The following LRIG1 variants were observed in gnomAD, a reference collection of about 807,000 sequenced individuals.
LRIG1 encodes the protein leucine rich repeats and immunoglobulin like domains 1, also known as leucine-rich repeats and immunoglobulin-like domains protein 1.
Under a neutral mutation model 99.2 loss-of-function variants are expected in LRIG1, and 48 were observed. That is an observed-to-expected ratio of 0.48 (90% confidence interval 0.38 to 0.62). The LOEUF is 0.62. Ranked by LOEUF, LRIG1 falls within the 20% of genes least tolerant of loss-of-function variation. LRIG1 has a pLI of 0.00. For missense variants in LRIG1, 1,646 were observed against 1,434.4 expected, an observed-to-expected ratio of 1.15 and a Z score of -2.38; for synonymous variants, 772 against 596.1, an observed-to-expected ratio of 1.29 and a Z score of -4.30.
chr3:66,408,355 A>G (rs1201383462), intron 7 of LRIG1, among the ~76,000 whole-genome samples: 2 of 152,202 alleles, frequency 1.3e-5, no homozygotes, highest in African/African-American at 4.8e-5. Context: ...CCTCACCTGC[A>G]ATTAAAGAAT....
intron 9 of LRIG1, among the ~76,000 whole-genome samples, chr3:66,403,892 G>A (rs1487315274): frequency 1.3e-5 from 2 of 152,196 alleles, no homozygotes; most frequent in Non-Finnish European, 2.9e-5. Flanking sequence ...GAACACCTCA[G>A]CAGCCACATC....
chr3:66,461,172 G>GCA (rs1700346511), intron 2 of LRIG1, among the ~76,000 whole-genome samples: 1 of 152,098 alleles, frequency 6.6e-6, no homozygotes, highest in Non-Finnish European at 1.5e-5. Context: ...GGATGTGGTG[G>GCA]CACACACCTG....
At chr3:66,430,012 T>C (rs530335318) in intron 3 of LRIG1, among the ~76,000 whole-genome samples, 3 of 152,346 alleles carry the variant, frequency 2.0e-5, no homozygotes, top group African/African-American at 7.2e-5. Context: ...GTCTATCGTA[T>C]TGACTGCTAT....
rs567703250 is a variant in LRIG1 at position 66,427,639 on chromosome 3, A to T, written c.366-10373T>A. Among the ~76,000 whole-genome samples the T allele has an allele frequency of 3.9e-5, 6 of 152,352 alleles. No individual in the cohort carries two copies. The South Asian group carries it at 1.2e-3, about 32-fold the overall frequency. On this transcript the variant is annotated intron_variant, in intron 3 of 18. Coordinates refer to ENST00000273261, the MANE Select transcript of LRIG1 (RefSeq NM_015541.3). ...ACACAGTGAGACCCTCATCTCTTAAAAAAATTTTTTTTAAAATTGCAGCAC... is the reference window on the plus strand; with the variant it reads ...ACACAGTGAGACCCTCATCTCTTAATAAAATTTTTTTTAAAATTGCAGCAC...
chr3:66,435,036 T>G (rs1703307066), intron 3 of LRIG1, among the ~76,000 whole-genome samples: 2 of 151,448 alleles, frequency 1.3e-5, no homozygotes. Flanking sequence ...ACTGGAAACA[T>G]TCTAGATGTC....
intron 3 of LRIG1, among the ~76,000 whole-genome samples, chr3:66,427,548 C>T (rs1403176740): frequency 5.3e-5 from 8 of 152,162 alleles, no homozygotes; most frequent in Admixed American, 5.2e-4. Context: ...GCCTGTAATC[C>T]CAACACTTTG....
Position 66,380,287 on chromosome 3 carries a change from T to C in LRIG1, c.3258A>G (p.Pro1086=), listed in dbSNP as rs200305998. Residue 1086 remains proline (P), a synonymous_variant, in exon 19 of 19, where the codon CCA becomes CCG. Transcript: ENST00000273261. ...TGQLPGKQRV[P]LLLAPKS ...CCTAGCTTTTTGGTGCCAACAGCAG[T>C]GGCACCCTCTGTTTCCCGGGGAGCT... The C allele has an allele frequency of 1.3e-4, 215 of 1,613,464 alleles. No homozygotes were observed. Among genetic ancestry groups the C allele is most frequent in the Non-Finnish European group, 1.7e-4 (205 of 1,179,464 alleles).
At chr3:66,382,867 CAGG>C in intron 15 of LRIG1, 112 bp downstream of exon 15, 1 of 915,930 alleles carries the variant, frequency 1.1e-6, no homozygotes, top group South Asian at 1.7e-5. Flanking sequence ...ACTAAACCCT[CAGG>C]AGTTCTGAAC....
chr3:66,490,044 A>G (rs546701677), intron 1 of LRIG1, among the ~76,000 whole-genome samples: 1 of 152,222 alleles, frequency 6.6e-6, no homozygotes, highest in Non-Finnish European at 1.5e-5. Flanking sequence ...TAATGAAATG[A>G]ATATAATTTA....
At chr3:66,430,623 C>A (rs947769018) in intron 3 of LRIG1, among the ~76,000 whole-genome samples, 7 of 152,162 alleles carry the variant, frequency 4.6e-5, no homozygotes, top group Non-Finnish European at 1.0e-4. Flanking sequence ...GCCATCCTAA[C>A]ATGGGCAGTG....
At chr3:66,444,465 A>G (rs1237986565) in intron 3 of LRIG1, among the ~76,000 whole-genome samples, 1 of 151,952 alleles carries the variant, frequency 6.6e-6, no homozygotes, top group East Asian at 1.9e-4. Context: ...TGACATTAGG[A>G]GTGGAAATTT....
intron 4 of LRIG1, among the ~76,000 whole-genome samples, chr3:66,415,828 T>A (rs1018573975): frequency 6.6e-6 from 1 of 152,214 alleles, no homozygotes; most frequent in African/African-American, 2.4e-5. Context: ...CAATATGGCA[T>A]TCCTGTGAGA....
Position 66,405,250 on chromosome 3 carries a change from T to A in LRIG1, c.1108A>T (p.Thr370Ser), listed in dbSNP as rs1178204339. 3 of 1,614,164 alleles carry A rather than the reference T, an allele frequency of 1.9e-6. No homozygotes were observed. Among genetic ancestry groups the A allele is most frequent in the Non-Finnish European group, 1.7e-6 (2 of 1,180,000 alleles). Residue 370 changes from threonine to serine, a missense_variant, in exon 9 of 19, where the codon ACA becomes TCA. Transcript: ENST00000273261. The part of the protein sequence containing the change: ...LDLDHNEISG[T>S]IEDTSGAFSG... ...AAGGCGCCGCTCGTGTCCTCTATTG[T>A]GCCCGAAATCTCGTTATGGTCCAGA...
intron 3 of LRIG1, among the ~76,000 whole-genome samples, chr3:66,450,738 T>C (rs1467412021): frequency 6.6e-6 from 1 of 152,094 alleles, no homozygotes; most frequent in Non-Finnish European, 1.5e-5. Context: ...AAAATCAAAA[T>C]AAAATTAAAC....
chr3:66,446,468 C>CG, intron 3 of LRIG1, among the ~76,000 whole-genome samples: 1 of 141,156 alleles, frequency 7.1e-6, no homozygotes, highest in East Asian at 2.3e-4. Context: ...TGCAATGGTG[C>CG]GATCTTAGCT....
In LRIG1 at chr3:66,398,114, C is replaced by T. The variant is rs1331639130; in HGVS notation, c.1302G>A (p.Glu434=). The T allele has an allele frequency of 5.6e-6, 9 of 1,612,342 alleles. No homozygotes were observed. In the African/African-American group the frequency reaches 1.1e-4, roughly 19 times the overall value. ...DAFVKMKNLK[E]LHISSDSFLC... ...ACCCAGGGAATCCAGATACTTACAG[C>T]TCTTTAAGATTCTTCATCTTCACAA... is the stretch of plus-strand genomic sequence containing the variant. The change falls in exon 11 of 19, where the codon GAG becomes GAA. Residue 434 remains glutamate, a splice_region_variant and synonymous_variant. Coordinates refer to ENST00000273261, the MANE Select transcript of LRIG1 (RefSeq NM_015541.3).
chr3:66,405,334 A>G, intron 8 of LRIG1, 56 bp from the exon 9 acceptor site: 3 of 1,367,948 alleles, frequency 2.2e-6, no homozygotes, highest in Non-Finnish European at 3.1e-6. Context: ...AGGGAAAGCA[A>G]ACTCTCACCC....
rs375484624 is a variant in LRIG1, at chr3:66,442,205, G to C, written c.365+9354C>G. On this transcript the variant is annotated intron_variant, in intron 3 of 18. Coordinates refer to ENST00000273261, the MANE Select transcript of LRIG1 (RefSeq NM_015541.3). ...GGGAATCCAATATTCCCTATGTATG[G>C]CCCAACAATGACAGGCCTTATGAAG... Among the ~76,000 whole-genome samples, 27 of 152,214 alleles carry C rather than the reference G, an allele frequency of 1.8e-4. No individual in the cohort carries two copies. In the South Asian group the frequency reaches 1.9e-3, roughly 11 times the overall value.
At chr3:66,381,036 C>T (rs1255864290) in intron 17 of LRIG1, 175 bp from the exon 18 acceptor site, 1 of 639,340 alleles carries the variant, frequency 1.6e-6, no homozygotes, top group African/African-American at 1.8e-5. Flanking sequence ...GGGCAAACAC[C>T]AAGTCACTCA....
Sources: allele counts gnomAD v4.1 joint callset (sites outside exome capture counted in the v4.1 genomes callset), GRCh38; gene constraint gnomAD v4.1.1; transcripts MANE v1.5; gene names NCBI Gene and HGNC (gene_info 2026-07-23, HGNC 2026-07-21).